PDE11A: variants seen among roughly 807,000 people sequenced by gnomAD.
PDE11A encodes the protein dual 3',5'-cyclic-AMP and -GMP phosphodiesterase 11A.
In PDE11A, 100 loss-of-function variants were observed where a neutral mutation model predicts 100.5. That is an observed-to-expected ratio of 1.00 (90% CI 0.85 to 1.18). The LOEUF is 1.18. PDE11A is among the 50% of genes most tolerant of loss of function. The pLI is 0.00. For synonymous variants in PDE11A, 381 were observed against 420.8 expected (o/e 0.91, Z 1.16); for missense variants, 1,141 against 1,152.6 (o/e 0.99, Z 0.15).
chr2:177,875,281 T>G (rs1054598842), intron 5 of PDE11A, among the ~76,000 whole-genome samples: 2 of 152,110 alleles, frequency 1.3e-5, no homozygotes, highest in African/African-American at 4.8e-5. Context: ...AAGAGGAAGC[T>G]AAAGGCAACA....
At chr2:177,916,438 G>C (rs2084954471) in intron 2 of PDE11A, among the ~76,000 whole-genome samples, 1 of 152,136 alleles carries the variant, frequency 6.6e-6, no homozygotes, top group African/African-American at 2.4e-5. Flanking sequence ...AGCCACATCT[G>C]CTACCTTTCA....
At chr2:177,792,592 GA>G (rs1030541182) in intron 9 of PDE11A, among the ~76,000 whole-genome samples, 1 of 152,152 alleles carries the variant, frequency 6.6e-6, no homozygotes, top group African/African-American at 2.4e-5. Flanking sequence ...GGGAGCTCCT[GA>G]AGTAAAAGGA....
chr2:177,848,243 T>A (rs928811951), intron 5 of PDE11A, among the ~76,000 whole-genome samples: 211 of 152,302 alleles, frequency 1.4e-3, no homozygotes, highest in Non-Finnish European at 6.3e-4. Flanking sequence ...GGGGATATTT[T>A]AAAAAATTCT....
chr2:177,993,583 A>G (rs1354348509), intron 2 of PDE11A, among the ~76,000 whole-genome samples: 3 of 152,194 alleles, frequency 2.0e-5, no homozygotes, highest in Non-Finnish European at 4.4e-5. Flanking sequence ...TAATCTTCCA[A>G]TAGAATATTG....
intron 10 of PDE11A, among the ~76,000 whole-genome samples, chr2:177,759,859 C>CA (rs1360179732): frequency 3.9e-5 from 6 of 152,144 alleles, no homozygotes; most frequent in African/African-American, 1.4e-4. Flanking sequence ...GTACCATAAA[C>CA]AGTCTTACTA....
At chr2:177,735,372 C>A in intron 10 of PDE11A, among the ~76,000 whole-genome samples, 2 of 151,154 alleles carry the variant, frequency 1.3e-5, no homozygotes, top group South Asian at 2.1e-4. Flanking sequence ...ATGGCCTACC[C>A]AAGAAGAAAG....
At chr2:177,739,588 A>G (rs1410402565) in intron 10 of PDE11A, among the ~76,000 whole-genome samples, 19 of 152,198 alleles carry the variant, frequency 1.2e-4, no homozygotes, top group Admixed American at 1.2e-3. Context: ...TATGCATTCA[A>G]TATAAACAAT....
At chr2:177,708,351 A>G (rs1288963878) in intron 13 of PDE11A, among the ~76,000 whole-genome samples, 2 of 152,204 alleles carry the variant, frequency 1.3e-5, no homozygotes, top group Admixed American at 1.3e-4. Context: ...ACAGAACTGA[A>G]GGCTATTATC....
chr2:177,956,622 G>A (rs1317094135), intron 2 of PDE11A, among the ~76,000 whole-genome samples: 2 of 152,174 alleles, frequency 1.3e-5, no homozygotes, highest in African/African-American at 2.4e-5. Flanking sequence ...TATGTTTATT[G>A]CGGCACTATT....
At chr2:177,795,830 G>C (rs982236981) in intron 9 of PDE11A, among the ~76,000 whole-genome samples, 2 of 150,708 alleles carry the variant, frequency 1.3e-5, no homozygotes, top group African/African-American at 4.9e-5. Flanking sequence ...CTAAGACTCT[G>C]CATCATCACA....
intron 3 of PDE11A, among the ~76,000 whole-genome samples, chr2:177,902,699 A>G (rs1432818699): frequency 6.6e-6 from 1 of 152,126 alleles, no homozygotes; most frequent in Non-Finnish European, 1.5e-5. Context: ...CTTAATCTCC[A>G]GTCCTGACAT....
intron 9 of PDE11A, among the ~76,000 whole-genome samples, chr2:177,790,107 T>C (rs10181136): frequency 0.33 from 49,132 of 149,946 alleles, 8,388 homozygotes; most frequent in African/African-American, 0.38. Context: ...AAGAACAAAG[T>C]TGGAGGCATC....
intron 2 of PDE11A, among the ~76,000 whole-genome samples, chr2:177,988,650 C>T (rs1189996465): frequency 6.6e-6 from 1 of 152,194 alleles, no homozygotes; most frequent in Non-Finnish European, 1.5e-5. Flanking sequence ...CTATAAATTA[C>T]GTAGCCAGTC....
chr2:178,071,945 G>A lies in PDE11A; in HGVS notation c.493C>T (p.Pro165Ser), dbSNP rs779068288. The A allele has an allele frequency of 1.9e-6, 3 of 1,613,932 alleles. No individual in the cohort carries two copies. The highest frequency in any genetic ancestry group is 1.6e-4 in the Middle Eastern group (1 of 6,084). The change falls in exon 1 of 20, where the codon CCC (proline) becomes TCC (serine). Residue 165 changes from proline (P) to serine (S), a missense_variant. By Grantham distance (74) the Pro-to-Ser change is moderately conservative (BLOSUM62 -1). Coordinates refer to ENST00000286063, the MANE Select transcript of PDE11A (RefSeq NM_016953.4). ...RALLRKASSL[P>S]PTTAHILSAL... Reference sequence around the variant, plus strand: ...CTGAGAATATGGGCTGTGGTGGGGGGCAGGGAGCTTGCCTTCCGGAGAAGT... The same window carrying A: ...CTGAGAATATGGGCTGTGGTGGGGGACAGGGAGCTTGCCTTCCGGAGAAGT...
rs115638174 is a variant in PDE11A at position 177,830,208 on chromosome 2, C to T, written c.1501-9913G>A. On this transcript the variant is annotated intron_variant, in intron 6 of 19. Transcript: ENST00000286063. ...CCAAGATCCAAATGAGAATTCCACA[C>T]GGCCAATATCTTAATTTCAGCCTTG... Among the ~76,000 whole-genome samples the T allele has an allele frequency of 9.2e-3, 1,398 of 152,298 alleles. 19 individuals are homozygous for T. The highest frequency in any genetic ancestry group is 0.032 in the South Asian group (152 of 4,816).
intron 6 of PDE11A, among the ~76,000 whole-genome samples, chr2:177,837,114 C>A (rs138015255): frequency 2.6e-5 from 4 of 152,042 alleles, no homozygotes; most frequent in African/African-American, 9.7e-5. Context: ...GTGTGCAAAC[C>A]GGTAAAAGGA....
At chr2:177,787,321 T>C (rs2082552728) in intron 9 of PDE11A, among the ~76,000 whole-genome samples, 1 of 150,942 alleles carries the variant, frequency 6.6e-6, no homozygotes, top group Non-Finnish European at 1.5e-5. Flanking sequence ...TAAAACACTT[T>C]ACAGACAAGC....
chr2:177,663,439 G>T (rs570380995), intron 19 of PDE11A, among the ~76,000 whole-genome samples: 1 of 133,762 alleles, frequency 7.5e-6, no homozygotes, highest in Admixed American at 7.8e-5. Context: ...AAGAAAATTT[G>T]TAAAAAAAAA....
chr2:177,968,168 C>T (rs559506283), intron 2 of PDE11A, among the ~76,000 whole-genome samples: 96 of 152,264 alleles, frequency 6.3e-4, no homozygotes, highest in African/African-American at 2.2e-3. Flanking sequence ...CAAAGACAAA[C>T]AAACAAACAA....
Sources: allele counts gnomAD v4.1 joint callset (sites outside exome capture counted in the v4.1 genomes callset), GRCh38; gene constraint gnomAD v4.1.1; transcripts MANE v1.5; gene names NCBI Gene and HGNC (gene_info 2026-07-23, HGNC 2026-07-21).